MIS18BP1: variants seen among roughly 807,000 people sequenced by gnomAD.
The protein encoded by MIS18BP1 is mis18-binding protein 1.
A neutral mutation model predicts 116.1 loss-of-function variants in MIS18BP1; 72 were observed. That is an observed-to-expected ratio of 0.62 (90% CI 0.51 to 0.75). MIS18BP1 has a LOEUF of 0.75. MIS18BP1 is among the 30% of genes least tolerant of loss of function. MIS18BP1 has a pLI of 0.00. For missense variants in MIS18BP1, 1,363 were observed against 1,303.2 expected (o/e 1.05, Z -0.71); for synonymous variants, 386 against 427.0 (o/e 0.90, Z 1.18).
At chr14:45,234,873 T>C (rs1041057689) in intron 6 of MIS18BP1, among the ~76,000 whole-genome samples, 4 of 152,212 alleles carry the variant, frequency 2.6e-5, no homozygotes, top group African/African-American at 9.6e-5. Context: ...ATGATATTCT[T>C]ATAACATAAT....
At chr14:45,244,309 T>C (rs886119513) in intron 2 of MIS18BP1, among the ~76,000 whole-genome samples, 2 of 152,210 alleles carry the variant, frequency 1.3e-5, no homozygotes, top group African/African-American at 4.8e-5. Context: ...ACATGTAAAA[T>C]ATCTTTCATT....
intron 4 of MIS18BP1, among the ~76,000 whole-genome samples, chr14:45,239,118 G>A (rs996287676): frequency 6.6e-6 from 1 of 152,050 alleles, no homozygotes; most frequent in African/African-American, 2.4e-5. Context: ...GCTTATATAA[G>A]ATATCAAAAT....
intron 15 of MIS18BP1, 140 bp downstream of exon 15, chr14:45,205,943 C>G: frequency 1.8e-6 from 1 of 565,806 alleles, no homozygotes; most frequent in African/African-American, 1.9e-5. Context: ...GTGCTTACCT[C>G]ATTCATGGCT....
rs1566819988 is a variant in MIS18BP1 at position 45,241,681 on chromosome 14, A to G, written c.1143+353T>C. The G allele has an allele frequency of 3.0e-5, 5 of 167,606 alleles. No individual in the cohort carries two copies. The South Asian group carries it at 6.6e-4, about 22-fold the overall frequency. 10.4% of individuals were successfully genotyped at this position (167,606 alleles called of 1,614,324 possible). On this transcript the variant is annotated intron_variant, in intron 4 of 16. Transcript: ENST00000310806. Reference sequence around the variant, plus strand: ...GATGCTACAGTTCCTTTCTATCTTAATTAATCTAACTATTTTAATAGTACT... The same window carrying G: ...GATGCTACAGTTCCTTTCTATCTTAGTTAATCTAACTATTTTAATAGTACT...
Position 45,224,258 on chromosome 14 carries a change from C to T in MIS18BP1, c.2329G>A (p.Glu777Lys), listed in dbSNP as rs1337638147. 1.2e-6 allele frequency: 2 copies of T among 1,613,736 alleles called. No homozygotes were observed. The highest frequency in any genetic ancestry group is 1.7e-6 in the Non-Finnish European group (2 of 1,179,966). Reference protein sequence around the residue: ...SSPDLSSEESETEKEIKRKAE... With the variant: ...SSPDLSSEESKTEKEIKRKAE... ...TTCCTTTTAATTTCCTTTTCTGTTT[C>T]ACTTTCTTCACTTGACAAATCTGGT... Residue 777 changes from glutamate to lysine, a missense_variant, in exon 11 of 17, where the codon GAA becomes AAA. Glu to Lys is a moderately conservative substitution (Grantham distance 56). Coordinates refer to ENST00000310806, the MANE Select transcript of MIS18BP1 (RefSeq NM_018353.5).
chr14:45,204,496 T>A, intron 15 of MIS18BP1, 43 bp from the exon 16 acceptor site: 1 of 1,454,568 alleles, frequency 6.9e-7, no homozygotes, highest in African/African-American at 1.4e-5. Flanking sequence ...TACCTCCTGG[T>A]GAAGTCTACC....
chr14:45,252,338 G>A (rs1354080288), intron 1 of MIS18BP1, among the ~76,000 whole-genome samples: 1 of 152,214 alleles, frequency 6.6e-6, no homozygotes, highest in Non-Finnish European at 1.5e-5. Flanking sequence ...ATATGGAAAA[G>A]TATCCAAGAA....
At chr14:45,222,432 G>T (rs1248653063) in intron 11 of MIS18BP1, among the ~76,000 whole-genome samples, 1 of 152,096 alleles carries the variant, frequency 6.6e-6, no homozygotes, top group East Asian at 1.9e-4. Flanking sequence ...AACTTCAACA[G>T]TCTACTTAGA....
chr14:45,216,293 G>T (rs1890816466), intron 13 of MIS18BP1, among the ~76,000 whole-genome samples: 1 of 152,054 alleles, frequency 6.6e-6, no homozygotes, highest in African/African-American at 2.4e-5. Flanking sequence ...CAATTTGTAT[G>T]CCCACTGATG....
chr14:45,207,004 A>T (rs1890536552), intron 14 of MIS18BP1, among the ~76,000 whole-genome samples: 1 of 152,138 alleles, frequency 6.6e-6, no homozygotes, highest in Non-Finnish European at 1.5e-5. Context: ...TCTTTCTTGA[A>T]TTCCCCATAC....
chr14:45,236,466 A>G (rs1418104107), intron 5 of MIS18BP1, among the ~76,000 whole-genome samples: 1 of 152,230 alleles, frequency 6.6e-6, no homozygotes, highest in Non-Finnish European at 1.5e-5. Flanking sequence ...CCATAAATCT[A>G]TTCTTTATAT....
chr14:45,207,892 T>A (rs1890563685), intron 14 of MIS18BP1, among the ~76,000 whole-genome samples: 2 of 152,174 alleles, frequency 1.3e-5, no homozygotes, highest in South Asian at 2.1e-4. Context: ...ATTCATAACA[T>A]AAGTGAATCT....
intron 15 of MIS18BP1, among the ~76,000 whole-genome samples, chr14:45,204,833 AT>A (rs1890468068): frequency 6.6e-6 from 1 of 152,074 alleles, no homozygotes; most frequent in Non-Finnish European, 1.5e-5. Flanking sequence ...ATATATAGTA[AT>A]TATAATTACA....
intron 11 of MIS18BP1, among the ~76,000 whole-genome samples, chr14:45,219,536 T>C (rs942417075): frequency 2.6e-5 from 4 of 152,028 alleles, no homozygotes; most frequent in Admixed American, 2.6e-4. Flanking sequence ...AAGTAATGAG[T>C]TTTAAGCATT....
At chr14:45,237,175 G>GT (rs1188051479) in intron 5 of MIS18BP1, among the ~76,000 whole-genome samples, 1 of 152,126 alleles carries the variant, frequency 6.6e-6, no homozygotes, top group Non-Finnish European at 1.5e-5. Context: ...CACTTACCTG[G>GT]TGATGCTCTC....
intron 13 of MIS18BP1, among the ~76,000 whole-genome samples, chr14:45,211,675 T>TA (rs1161474359): frequency 6.6e-6 from 1 of 152,196 alleles, no homozygotes. Context: ...TGGTGGCCCA[T>TA]ACAGGGAGCC....
rs377173703 is a variant in MIS18BP1 at position 45,224,346 on chromosome 14, T to G, written c.2241A>C (p.Leu747=). ...TTTCTATTTTCTTCAATTTTGGTAA[T>G]AGTCTGGTATTTTTCTTAAAGTCAG... The part of the protein sequence containing the change: ...LTSDFKKNTR[L]LPKLKKIENQ... The change falls in exon 11 of 17, where the codon CTA becomes CTC. Residue 747 remains leucine (L), a synonymous_variant. Coordinates refer to ENST00000310806, the MANE Select transcript of MIS18BP1 (RefSeq NM_018353.5). 7 of 1,613,648 alleles carry G rather than the reference T, an allele frequency of 4.3e-6. No individual in the cohort carries two copies. Among genetic ancestry groups the G allele is most frequent in the Middle Eastern group, 1.7e-4 (1 of 6,054 alleles).
chr14:45,219,999 T>G (rs1258025000), intron 11 of MIS18BP1, among the ~76,000 whole-genome samples: 1 of 152,236 alleles, frequency 6.6e-6, no homozygotes, highest in Non-Finnish European at 1.5e-5. Context: ...AAATCCTTAG[T>G]GTAACGCTGT....
At position 45,253,177 on chromosome 14, in the gene MIS18BP1, C is replaced by T. The variant is rs1490490856; in HGVS notation, c.-234G>A. 6.6e-6 allele frequency: 1 copy of T among 152,316 alleles called. No individual in the cohort carries two copies. The highest frequency in any genetic ancestry group is 2.4e-5 in the African/African-American group (1 of 41,478). The allele number at this position is 152,316 out of a possible 1,614,324, so 9.4% of individuals were successfully genotyped here. A position where few individuals can be genotyped will look rare whatever the true frequency, so the allele number is the denominator to read the frequency against. ...CGGCCAGGCGCCAAGCGACGCTTAC[C>T]TCCTCCGCGACGTTCTCTAACACAC... On this transcript the variant is annotated 5_prime_UTR_variant, in exon 1 of 17. Transcript: ENST00000310806.
Sources: allele counts gnomAD v4.1 joint callset (sites outside exome capture counted in the v4.1 genomes callset), GRCh38; gene constraint gnomAD v4.1.1; transcripts MANE v1.5; gene names NCBI Gene and HGNC (gene_info 2026-07-23, HGNC 2026-07-21).